TXN: variants seen among roughly 807,000 people sequenced by gnomAD.
TXN encodes the protein ADF.
Under a neutral mutation model 16.5 loss-of-function variants are expected in TXN, and 10 were observed. The ratio of observed to expected loss-of-function variants is 0.61; its 90% CI spans 0.37 to 1.03. The LOEUF (loss-of-function observed/expected upper bound fraction) is 1.03. TXN is among the 50% of genes least tolerant of loss of function. The pLI is 0.01. For synonymous variants in TXN, 35 were observed against 39.4 expected, an observed-to-expected ratio of 0.89 and a Z score of 0.42; for missense variants, 71 against 122.5, an observed-to-expected ratio of 0.58 and a Z score of 1.98.
At chr9:110,251,907 C>T (rs1334605813) in intron 1 of TXN, among the ~76,000 whole-genome samples, 1 of 152,074 alleles carries the variant, frequency 6.6e-6, no homozygotes, top group African/African-American at 2.4e-5. Flanking sequence ...TAGGATTTTG[C>T]AATTGAAACA....
chr9:110,253,173 A>G (rs1207850228), intron 1 of TXN, among the ~76,000 whole-genome samples: 3 of 152,122 alleles, frequency 2.0e-5, no homozygotes, highest in Non-Finnish European at 2.9e-5. Context: ...ACCCAACAAG[A>G]AAACACTAAT....
In TXN at chr9:110,245,629, T is replaced by C. The variant is rs1462551045; in HGVS notation, c.190-786A>G. Among the ~76,000 whole-genome samples the C allele has an allele frequency of 8.3e-4, 16 of 19,304 alleles. 1 individual carries two copies. Among genetic ancestry groups the C allele is most frequent in the Non-Finnish European group, 1.1e-3 (12 of 10,696 alleles). 12.7% of individuals were successfully genotyped at this position (19,304 alleles called of 152,430 possible). A position where few individuals can be genotyped will look rare whatever the true frequency, so the allele number is the denominator to read the frequency against. On this transcript the variant is annotated intron_variant, in intron 3 of 4. Transcript: ENST00000374517. ...CACACACACACACACTATATATATA[T>C]ATATATATATATATATATATATATA...
Position 110,244,080 on chromosome 9 carries a change from T to A in TXN, c.*77A>T. 1 of 846,212 alleles carries A rather than the reference T, an allele frequency of 1.2e-6. No homozygotes were observed. The highest frequency in any genetic ancestry group is 1.7e-6 in the Non-Finnish European group (1 of 594,916). The allele number at this position is 846,212 out of a possible 1,614,324, so 52.4% of individuals were successfully genotyped here. ...GATGGCAACTGGGTTTATGTCTTCATATTTTATATTTTTGTAAATTAAAAA... is the reference window on the plus strand; with the variant it reads ...GATGGCAACTGGGTTTATGTCTTCAAATTTTATATTTTTGTAAATTAAAAA... On this transcript the variant is annotated 3_prime_UTR_variant, in exon 5 of 5. Transcript: ENST00000374517.
rs1036255132 is a variant in TXN at position 110,250,734 on chromosome 9, A to G, written c.189+86T>C. On this transcript the variant is annotated intron_variant, in intron 3 of 4. Transcript: ENST00000374517. Reference sequence around the variant, plus strand: ...GATTACAGTTCTAGAATTATTTGACATATTTATGGAAAAAAGCACTGTGCA... The same window carrying G: ...GATTACAGTTCTAGAATTATTTGACGTATTTATGGAAAAAAGCACTGTGCA... The G allele has an allele frequency of 1.2e-5, 12 of 1,042,304 alleles. No homozygotes were observed. In the African/African-American group the frequency reaches 1.8e-4, roughly 15 times the overall value. 64.6% of individuals were successfully genotyped at this position (1,042,304 alleles called of 1,614,324 possible). A position where few individuals can be genotyped will look rare whatever the true frequency, so the allele number is the denominator to read the frequency against.
In TXN at chr9:110,249,125, C is replaced by CAAAAAAAAAAA. The variant is rs71302631; in HGVS notation, c.189+1684_189+1694dup. ...CCAGGTGACAGAGTGAACTCCATCT[C>CAAAAAAAAAAA]AAAAAAAAAAAAAAAAAAAAAAAAA... On this transcript the variant is annotated intron_variant, in intron 3 of 4. Transcript: ENST00000374517. Among the ~76,000 whole-genome samples, 5 of 53,848 alleles carry CAAAAAAAAAAA rather than the reference C, an allele frequency of 9.3e-5. 1 individual carries two copies. Among genetic ancestry groups the CAAAAAAAAAAA allele is most frequent in the African/African-American group, 1.4e-4 (2 of 14,502 alleles). 35.3% of individuals were successfully genotyped at this position (53,848 alleles called of 152,430 possible).
chr9:110,252,691 C>A (rs1837756521), intron 1 of TXN, among the ~76,000 whole-genome samples: 1 of 151,948 alleles, frequency 6.6e-6, no homozygotes, highest in Admixed American at 6.6e-5. Context: ...GTTGCCCAGG[C>A]TGGAGTGCAA....
At chr9:110,255,100 A>C (rs1837788322) in intron 1 of TXN, among the ~76,000 whole-genome samples, 1 of 152,184 alleles carries the variant, frequency 6.6e-6, no homozygotes, top group Non-Finnish European at 1.5e-5. Context: ...AGTCAATAAT[A>C]ATCAAAGGAA....
rs960188471 is a variant in TXN at position 110,251,259 on chromosome 9, C to T, written c.129+99G>A. 5.4e-5 allele frequency: 50 copies of T among 919,968 alleles called. 1 individual carries two copies. The highest frequency in any genetic ancestry group is 1.8e-4 in the Admixed American group (9 of 49,500). 57.0% of individuals were successfully genotyped at this position (919,968 alleles called of 1,614,324 possible). ...GATCCAGCCAAAGAAATCCCCCCAC[C>T]GAAACCAAAATCCTTTAACTGTCTT... On this transcript the variant is annotated intron_variant, in intron 2 of 4. Coordinates refer to ENST00000374517, the MANE Select transcript of TXN (RefSeq NM_003329.4).
intron 3 of TXN, among the ~76,000 whole-genome samples, chr9:110,245,773 G>A (rs1837651096): frequency 6.7e-6 from 1 of 148,988 alleles, no homozygotes; most frequent in Non-Finnish European, 1.5e-5. Context: ...GATTACAGGT[G>A]TGAGCCACCA....
chr9:110,245,643 TATATATATA>T lies in TXN; in HGVS notation c.190-809_190-801del, dbSNP rs1564367448. ...CTATATATATATATATATATATATA[TATATATATA>T]TATTTTTTTTTTTTTTTTTTTATAG... On this transcript the variant is annotated intron_variant, in intron 3 of 4. Coordinates refer to ENST00000374517, the MANE Select transcript of TXN (RefSeq NM_003329.4). Among the ~76,000 whole-genome samples, 129 of 37,012 alleles carry T rather than the reference TATATATATA, an allele frequency of 3.5e-3. 6 individuals are homozygous for T. The highest frequency in any genetic ancestry group is 0.016 in the African/African-American group (114 of 6,926). The allele number at this position is 37,012 out of a possible 152,430, so 24.3% of individuals were successfully genotyped here.
chr9:110,256,131 G>A lies in TXN; in HGVS notation c.24+281C>T, dbSNP rs1376860610. 6.6e-6 allele frequency among the ~76,000 whole-genome samples: 1 copy of A among 152,154 alleles called. No individual in the cohort carries two copies. The highest frequency in any genetic ancestry group is 2.4e-5 in the African/African-American group (1 of 41,438). On this transcript the variant is annotated intron_variant, in intron 1 of 4. Transcript: ENST00000374517. This position sits in a 1 kb window ranked among gnomAD's most constrained non-coding sequence, Gnocchi z 4.2. The stretch of plus-strand genomic sequence containing the variant: ...TCCCCGCGTGCGTGCAATCCCCCGA[G>A]GAACAGGGTGCGAGAAACGCTGGGC...
At chr9:110,247,022 G>A (rs1035435115) in intron 3 of TXN, among the ~76,000 whole-genome samples, 4 of 152,218 alleles carry the variant, frequency 2.6e-5, no homozygotes, top group Non-Finnish European at 4.4e-5. Flanking sequence ...TCACTTCAAG[G>A]TTTTAAAAGA....
At chr9:110,250,381 T>G (rs1181929221) in intron 3 of TXN, among the ~76,000 whole-genome samples, 1 of 152,224 alleles carries the variant, frequency 6.6e-6, no homozygotes, top group African/African-American at 2.4e-5. Flanking sequence ...GGTTTCTAAT[T>G]GACTAAAATC....
chr9:110,248,701 G>A (rs1837687607), intron 3 of TXN, among the ~76,000 whole-genome samples: 1 of 152,134 alleles, frequency 6.6e-6, no homozygotes, highest in South Asian at 2.1e-4. Flanking sequence ...TACCTTCTGT[G>A]CTGCAGTGCC....
rs1837811666 is a variant in TXN at position 110,256,445 on chromosome 9, T to G, written c.-10A>C. ...CGATCTGCTTCACCATCTTGGCTGC[T>G]GGAGTCTGACGAGCGGCTGTAAGGA... On this transcript the variant is annotated 5_prime_UTR_variant, in exon 1 of 5. Coordinates refer to ENST00000374517, the MANE Select transcript of TXN (RefSeq NM_003329.4). This position sits in a 1 kb window ranked among gnomAD's most constrained non-coding sequence, Gnocchi z 4.2. 1.2e-6 allele frequency: 2 copies of G among 1,606,016 alleles called. No homozygotes were observed. Among genetic ancestry groups the G allele is most frequent in the African/African-American group, 2.7e-5 (2 of 74,590 alleles).
intron 3 of TXN, among the ~76,000 whole-genome samples, chr9:110,247,235 A>G (rs1475015130): frequency 6.6e-6 from 1 of 151,676 alleles, no homozygotes; most frequent in Non-Finnish European, 1.5e-5. Flanking sequence ...AGGCAGAAGA[A>G]TCGCTTGAAC....
intron 3 of TXN, among the ~76,000 whole-genome samples, chr9:110,250,526 C>G (rs1837719304): frequency 6.6e-6 from 1 of 152,194 alleles, no homozygotes. Flanking sequence ...AATTCAATCT[C>G]CATTTATTGC....
chr9:110,246,340 T>C (rs576640835), intron 3 of TXN, among the ~76,000 whole-genome samples: 14 of 152,244 alleles, frequency 9.2e-5, no homozygotes, highest in East Asian at 5.8e-4. Context: ...TCAAAGGTAA[T>C]TGAAGTAACA....
Position 110,253,123 on chromosome 9 carries a change from T to TA in TXN, c.25-1662dup, listed in dbSNP as rs1352351909. ...CTCGTAAAGAAAGAAATCAAATAAA[T>TA]AAAAAACCATAAGATAAAAAACCAA... On this transcript the variant is annotated intron_variant, in intron 1 of 4. Transcript: ENST00000374517. 2.3e-5 allele frequency among the ~76,000 whole-genome samples: 3 copies of TA among 128,514 alleles called. No individual in the cohort carries two copies. In the East Asian group the frequency reaches 7.0e-4, roughly 30 times the overall value. 84.3% of individuals were successfully genotyped at this position (128,514 alleles called of 152,430 possible).
Sources: gnomAD v4.1 joint callset for allele counts (sites outside exome capture counted in the v4.1 genomes callset) on GRCh38, gnomAD v4.1.1 for gene constraint, Gnocchi (gnomAD v3.1) non-coding constraint, MANE v1.5 for transcripts, NCBI Gene and HGNC (gene_info 2026-07-23, HGNC 2026-07-21) for gene names.